Variants in EDEM2 observed in about 807,000 individuals in gnomAD.
EDEM2 encodes the protein ER degradation-enhancing alpha-mannosidase-like protein 2.
In EDEM2, 39 loss-of-function variants were observed where a neutral mutation model predicts 64.8. The observed-to-expected ratio is 0.60, with a 90% confidence interval of 0.47 to 0.79. The LOEUF (loss-of-function observed/expected upper bound fraction) is 0.79. EDEM2 is among the 30% of genes least tolerant of loss of function. The pLI, the probability that EDEM2 is intolerant of heterozygous loss-of-function variation, is 0.00. For synonymous variants in EDEM2, 296 were observed against 291.5 expected (o/e 1.02, Z -0.16); for missense variants, 609 against 731.3 (o/e 0.83, Z 1.93).
intron 10 of EDEM2, chr20:35,117,319 A>G (rs892645892): frequency 1.3e-5 from 2 of 152,228 alleles, no homozygotes; most frequent in African/African-American, 4.8e-5. Flanking sequence ...TTCTAAACAA[A>G]ACATTCTCAG....
chr20:35,137,716 C>T (rs1240689378), intron 5 of EDEM2, among the ~76,000 whole-genome samples, 164 bp downstream of exon 5: 2 of 152,210 alleles, frequency 1.3e-5, no homozygotes, highest in Non-Finnish European at 2.9e-5. Flanking sequence ...CTTAAAATGC[C>T]CAGGACACTC....
intron 7 of EDEM2, among the ~76,000 whole-genome samples, chr20:35,126,614 G>A (rs1440682528): frequency 1.3e-5 from 2 of 152,016 alleles, no homozygotes; most frequent in African/African-American, 4.8e-5. Context: ...TCAGCCTTAT[G>A]ATCTATAAAA....
intron 7 of EDEM2, among the ~76,000 whole-genome samples, chr20:35,128,831 T>TA (rs1162819758): frequency 6.6e-6 from 1 of 150,806 alleles, no homozygotes; most frequent in East Asian, 1.9e-4. Flanking sequence ...GAAAAAAACT[T>TA]AGAGAATAAG....
intron 1 of EDEM2, 77 bp downstream of exon 1, chr20:35,147,075 C>T (rs573773641): frequency 1.3e-6 from 2 of 1,550,042 alleles, no homozygotes; most frequent in Admixed American, 3.7e-5. Flanking sequence ...AAGTCGGGGT[C>T]TGGGATGGAC....
intron 5 of EDEM2, among the ~76,000 whole-genome samples, chr20:35,136,725 A>G (rs576793154): frequency 1.7e-4 from 26 of 148,656 alleles, no homozygotes; most frequent in Admixed American, 3.4e-4. Flanking sequence ...ACTGCACTCC[A>G]GCCTGGGCGA....
intron 10 of EDEM2, among the ~76,000 whole-genome samples, chr20:35,118,289 A>C (rs1799097455): frequency 6.6e-6 from 1 of 152,088 alleles, no homozygotes; most frequent in Non-Finnish European, 1.5e-5. Context: ...CTTTTCGCTA[A>C]ACTCACCTTT....
chr20:35,118,730 C>T lies in EDEM2; in HGVS notation c.1115-11G>A. ...CGCTTTCAATAAGTTCTGCAAAGTC[C>T]AAAGCAGACCCTCCTCACTCAGTGG... is the stretch of plus-strand genomic sequence containing the variant. On this transcript the variant is annotated splice_polypyrimidine_tract_variant and intron_variant, in intron 9 of 10. Transcript: ENST00000374492. 1 of 1,611,636 alleles carries T rather than the reference C, an allele frequency of 6.2e-7. No homozygotes were observed. The highest frequency in any genetic ancestry group is 8.5e-7 in the Non-Finnish European group (1 of 1,179,624).
rs531082723 is a variant in EDEM2 at position 35,128,601 on chromosome 20, TC to T, written c.845-2227del. 5.6e-4 allele frequency among the ~76,000 whole-genome samples: 82 copies of T among 147,592 alleles called. 1 individual carries two copies. The highest frequency in any genetic ancestry group is 1.3e-3 in the South Asian group (6 of 4,658). ...AAAAAATGAAACAGCTTCAGGCAGG[TC>T]CTTCAAGGAATTCCAGAAGGCATTG... On this transcript the variant is annotated intron_variant, in intron 7 of 10. Transcript: ENST00000374492.
chr20:35,143,329 A>T (rs1600718968), intron 3 of EDEM2, among the ~76,000 whole-genome samples: 1 of 152,176 alleles, frequency 6.6e-6, no homozygotes, highest in Non-Finnish European at 1.5e-5. Context: ...CACAGCTAAC[A>T]TGGCTTTTAG....
chr20:35,147,309 A>T lies in EDEM2; in HGVS notation c.-51T>A, dbSNP rs1403415032. On this transcript the variant is annotated 5_prime_UTR_variant, in exon 1 of 11. Transcript: ENST00000374492. ...CGCAGCAGCAGCAGCCACTGCAACC[A>T]GTTCATCCTGGGAGCTGCTGCGGGT... 6 of 1,438,090 alleles carry T rather than the reference A, an allele frequency of 4.2e-6. No individual in the cohort carries two copies. Among genetic ancestry groups the T allele is most frequent in the Non-Finnish European group, 5.5e-6 (6 of 1,091,224 alleles). 89.1% of individuals were successfully genotyped at this position (1,438,090 alleles called of 1,614,324 possible).
intron 4 of EDEM2, among the ~76,000 whole-genome samples, chr20:35,140,877 G>C (rs2085643966): frequency 6.6e-6 from 1 of 152,070 alleles, no homozygotes; most frequent in Non-Finnish European, 1.5e-5. Flanking sequence ...CCAGCACTTT[G>C]GGAGGCTGAT....
intron 6 of EDEM2, 53 bp downstream of exon 6, chr20:35,134,685 G>A (rs2085550326): frequency 1.3e-6 from 2 of 1,596,292 alleles, no homozygotes; most frequent in East Asian, 2.2e-5. Flanking sequence ...ATTGCTCAGA[G>A]CCCTGGGCCT....
At chr20:35,116,773 G>A (rs188851191) in intron 10 of EDEM2, among the ~76,000 whole-genome samples, 1 of 152,024 alleles carries the variant, frequency 6.6e-6, no homozygotes, top group African/African-American at 2.4e-5. Context: ...TCCTTGGAAG[G>A]GCATTCAGAT....
rs891841438 is a variant in EDEM2, at chr20:35,115,518, T to C, written c.1652A>G (p.Gln551Arg). The change falls in exon 11 of 11, where the codon CAG (glutamine) becomes CGG (arginine). Residue 551 changes from glutamine (Q) to arginine (R), a missense_variant. By Grantham distance (43) the Gln-to-Arg change is conservative. Coordinates refer to ENST00000374492, the MANE Select transcript of EDEM2 (RefSeq NM_018217.3). The stretch of plus-strand genomic sequence containing the variant: ...GGGGCAGCTGAGAAGTGGGACCTTC[T>C]GTTTGGCAGGCTTCCTCTCCCTTGC... ...DQARERKPAK[Q>R]KVPLLSCPSQ... The C allele has an allele frequency of 2.5e-6, 4 of 1,613,982 alleles. No homozygotes were observed. The African/African-American group carries it at 4.0e-5, about 16-fold the overall frequency.
At chr20:35,142,627 C>G in intron 3 of EDEM2, 149 bp from the exon 4 acceptor site, 1 of 624,526 alleles carries the variant, frequency 1.6e-6, no homozygotes, top group Non-Finnish European at 2.8e-6. Context: ...GAAGAAAACA[C>G]TGAGAGCTAG....
chr20:35,134,543 G>A (rs2085548471), intron 6 of EDEM2, among the ~76,000 whole-genome samples, 195 bp downstream of exon 6: 1 of 152,154 alleles, frequency 6.6e-6, no homozygotes, highest in African/African-American at 2.4e-5. Context: ...TGCCAGAAAC[G>A]TGCTTTCCCA....
intron 7 of EDEM2, among the ~76,000 whole-genome samples, chr20:35,130,214 C>T (rs977601101): frequency 2.0e-5 from 3 of 152,074 alleles, no homozygotes; most frequent in East Asian, 1.9e-4. Context: ...ACTACAGGCA[C>T]GCACCATCAT....
intron 4 of EDEM2, among the ~76,000 whole-genome samples, chr20:35,140,711 C>T (rs1308791210): frequency 2.0e-5 from 3 of 151,946 alleles, no homozygotes; most frequent in African/African-American, 7.3e-5. Context: ...GCTTGGAAAA[C>T]TATGTAAAAA....
rs957565330 is a variant in EDEM2, at chr20:35,128,514, C to T, written c.845-2139G>A. On this transcript the variant is annotated intron_variant, in intron 7 of 10. Transcript: ENST00000374492. ...CTGGGAGGCGGAGGTTGCAGTGAGC[C>T]GAGATGGTGCCACTGCACTCCAGCC... 1.8e-4 allele frequency among the ~76,000 whole-genome samples: 26 copies of T among 144,920 alleles called. 3 individuals are homozygous for T. The highest frequency in any genetic ancestry group is 6.6e-4 in the African/African-American group (25 of 37,982).
Sources: gnomAD v4.1 joint callset for allele counts (sites outside exome capture counted in the v4.1 genomes callset) on GRCh38, gnomAD v4.1.1 for gene constraint, MANE v1.5 for transcripts, NCBI Gene and HGNC (gene_info 2026-07-23, HGNC 2026-07-21) for gene names.